Variants in PCDHGA3 observed in about 807,000 individuals in gnomAD.
PCDHGA3 encodes protocadherin gamma subfamily A, 3, also known as protocadherin gamma-A3.
Under a neutral mutation model 58.5 loss-of-function variants are expected in PCDHGA3, and 40 were observed. That is an observed-to-expected ratio of 0.68 (90% CI 0.53 to 0.89). The LOEUF is 0.89. Among genes scored for constraint, PCDHGA3 ranks in the 40% least tolerant of loss-of-function variants. The pLI is 0.00. For synonymous variants in PCDHGA3, 530 were observed against 525.7 expected (o/e 1.01, Z -0.11); for missense variants, 1,223 against 1,195.9 (o/e 1.02, Z -0.33).
chr5:141,428,154 T>C, intron 1 of PCDHGA3: 2 of 1,578,924 alleles, frequency 1.3e-6, no homozygotes, highest in Non-Finnish European at 1.7e-6. Flanking sequence ...CACGGGAACC[T>C]GCTGGTTGCT....
chr5:141,371,514 C>A (rs781132718), intron 1 of PCDHGA3: 1 of 1,613,792 alleles, frequency 6.2e-7, no homozygotes, highest in South Asian at 1.1e-5. Context: ...AACACATGAT[C>A]TAGATTCTGG....
chr5:141,476,509 C>G lies in PCDHGA3; in HGVS notation c.2425-18298C>G. 6.2e-7 allele frequency: 1 copy of G among 1,614,144 alleles called. No individual in the cohort carries two copies. Among genetic ancestry groups the G allele is most frequent in the Non-Finnish European group, 8.5e-7 (1 of 1,180,022 alleles). ...TGGTGATCCAGGACATCAACGACAACAATCCTGCTTTCCCTACCCAGGAAA... is the reference window on the plus strand; with the variant it reads ...TGGTGATCCAGGACATCAACGACAAGAATCCTGCTTTCCCTACCCAGGAAA... On this transcript the variant is annotated intron_variant, in intron 1 of 3. Transcript: ENST00000253812. This position sits in a 1 kb window ranked among gnomAD's most constrained non-coding sequence, Gnocchi z 7.6.
At position 141,345,944 on chromosome 5, in the gene PCDHGA3, G is replaced by A; in HGVS notation, c.1911G>A (p.Ala637=). 2 of 1,613,564 alleles carry A rather than the reference G, an allele frequency of 1.2e-6. No individual in the cohort carries two copies. The highest frequency in any genetic ancestry group is 1.7e-5 in the Admixed American group (1 of 60,008). Reference sequence around the variant, plus strand: ...CGCGAGCCCTGCTGGACAGAGACGCGCTCAAGCAGAGCCTCGTGGTGGCCG... The same window carrying A: ...CGCGAGCCCTGCTGGACAGAGACGCACTCAAGCAGAGCCTCGTGGTGGCCG... ...RTARALLDRD[A]LKQSLVVAVQ... Residue 637 remains alanine, a synonymous_variant, in exon 1 of 4, where the codon GCG becomes GCA. Transcript: ENST00000253812.
intron 1 of PCDHGA3, 163 bp downstream of exon 1, chr5:141,346,620 C>T (rs1000182319): frequency 9.5e-7 from 1 of 1,055,734 alleles, no homozygotes; most frequent in Non-Finnish European, 1.4e-6. Flanking sequence ...TAGGACTGCA[C>T]TCCCCGGTCT....
intron 1 of PCDHGA3, among the ~76,000 whole-genome samples, chr5:141,472,980 C>CA (rs60579131): frequency 0.042 from 3,623 of 85,966 alleles, 71 homozygotes; most frequent in South Asian, 0.079. Context: ...GAGTGAAACT[C>CA]AAAAAAAAAA....
chr5:141,467,063 T>C (rs1405374001), intron 1 of PCDHGA3, among the ~76,000 whole-genome samples: 2 of 151,716 alleles, frequency 1.3e-5, no homozygotes, highest in African/African-American at 2.4e-5. Flanking sequence ...TTCTTTTTTT[T>C]TTTTTTTTAG....
chr5:141,491,648 T>C lies in PCDHGA3; in HGVS notation c.2425-3159T>C. ...GTTCAGCAGCCCACAGCTCTGGCGC[T>C]GGAGCCTGACGCCATCCGGTCCCGC... On this transcript the variant is annotated intron_variant, in intron 1 of 3. Transcript: ENST00000253812. The surrounding 1 kb of genome is among the most constrained non-coding windows in gnomAD (Gnocchi z 6.9). 2 of 1,613,834 alleles carry C rather than the reference T, an allele frequency of 1.2e-6. No individual in the cohort carries two copies. Among genetic ancestry groups the C allele is most frequent in the South Asian group, 1.1e-5 (1 of 91,082 alleles).
At chr5:141,452,227 T>C (rs2098736376) in intron 1 of PCDHGA3, among the ~76,000 whole-genome samples, 1 of 152,232 alleles carries the variant, frequency 6.6e-6, no homozygotes, top group African/African-American at 2.4e-5. Context: ...CTCTTCAAGC[T>C]GGTTCTTGTG....
rs1347283176 is a variant in PCDHGA3, at chr5:141,360,728, A to T, written c.2424+14271A>T. On this transcript the variant is annotated intron_variant, in intron 1 of 3. Coordinates refer to ENST00000253812, the MANE Select transcript of PCDHGA3 (RefSeq NM_018916.4). ...AAATATCCTGAGTTGATTCTAAAAC[A>T]CTCTCTGGACAGAGAAGAGCACAGT... 4 of 1,613,740 alleles carry T rather than the reference A, an allele frequency of 2.5e-6. No individual in the cohort carries two copies. The African/African-American group carries it at 5.3e-5, about 22-fold the overall frequency.
At chr5:141,419,586 A>T (rs1440548961) in intron 1 of PCDHGA3, 1 of 1,611,696 alleles carries the variant, frequency 6.2e-7, no homozygotes, top group Non-Finnish European at 8.5e-7. Context: ...GCGCTCTTCG[A>T]CACAGTGCCG....
chr5:141,433,352 T>C (rs976015031), intron 1 of PCDHGA3: 16 of 614,162 alleles, frequency 2.6e-5, no homozygotes, highest in Non-Finnish European at 3.7e-5. Flanking sequence ...AGCCACCTAC[T>C]GTCTGCCTAT....
rs764363553 is a variant in PCDHGA3 at position 141,432,120 on chromosome 5, A to C, written c.2425-62687A>C. The C allele has an allele frequency of 1.2e-6, 2 of 1,613,978 alleles. No homozygotes were observed. Among genetic ancestry groups the C allele is most frequent in the African/African-American group, 2.7e-5 (2 of 74,894 alleles). ...AACGACAACCCGCCGGTCTTCCCTC[A>C]GGCCTCCTATTCCGCTTATATCCCA... On this transcript the variant is annotated intron_variant, in intron 1 of 3. Transcript: ENST00000253812. The surrounding 1 kb of genome is among the most constrained non-coding windows in gnomAD (Gnocchi z 6.0).
rs758405089 is a variant in PCDHGA3 at position 141,383,617 on chromosome 5, C to T, written c.2424+37160C>T. 5.1e-5 allele frequency: 82 copies of T among 1,613,734 alleles called. No homozygotes were observed. The Admixed American group carries it at 9.0e-4, about 18-fold the overall frequency. On this transcript the variant is annotated intron_variant, in intron 1 of 3. Coordinates refer to ENST00000253812, the MANE Select transcript of PCDHGA3 (RefSeq NM_018916.4). ...AGTGGTGGATGTGAATGACCACACG[C>T]CTGTCTTCTCTCTGCCTCAGTACCA...
At chr5:141,484,451 T>G (rs2099596635) in intron 1 of PCDHGA3, among the ~76,000 whole-genome samples, 2 of 152,264 alleles carry the variant, frequency 1.3e-5, no homozygotes, top group South Asian at 4.1e-4. Flanking sequence ...TTTAATTGGC[T>G]ACGTTAATGT....
chr5:141,371,551 T>A (rs1561551438), intron 1 of PCDHGA3: 1 of 1,613,704 alleles, frequency 6.2e-7, no homozygotes, highest in Non-Finnish European at 8.5e-7. Context: ...CTATGCCAAC[T>A]AAAAGGAAAC....
chr5:141,485,387 C>T lies in PCDHGA3; in HGVS notation c.2425-9420C>T. The T allele has an allele frequency of 6.2e-7, 1 of 1,614,078 alleles. No homozygotes were observed. Among genetic ancestry groups the T allele is most frequent in the Non-Finnish European group, 8.5e-7 (1 of 1,179,994 alleles). On this transcript the variant is annotated intron_variant, in intron 1 of 3. Coordinates refer to ENST00000253812, the MANE Select transcript of PCDHGA3 (RefSeq NM_018916.4). This position sits in a 1 kb window ranked among gnomAD's most constrained non-coding sequence, Gnocchi z 5.7. ...GCTGCAGGTCGCTGGAGAGGTGAAC[C>T]AAAGACACTTCCGTGTGGATTTGGA...
intron 1 of PCDHGA3, chr5:141,422,764 G>A: frequency 1.2e-6 from 2 of 1,613,582 alleles, no homozygotes; most frequent in Non-Finnish European, 8.5e-7. Flanking sequence ...CTCCAACACT[G>A]GTGTTCTCTA....
intron 1 of PCDHGA3, among the ~76,000 whole-genome samples, chr5:141,438,764 C>A (rs963627140): frequency 6.7e-6 from 1 of 148,638 alleles, no homozygotes; most frequent in Non-Finnish European, 1.5e-5. Flanking sequence ...TGGGTTCAAG[C>A]GATTCTCCTG....
chr5:141,400,591 C>T lies in PCDHGA3; in HGVS notation c.2424+54134C>T, dbSNP rs746471054. ...ATTTTCTGTATTTACATGAAACTATCGTACATTTTCAAGTCCAATGAGTTG... is the reference window on the plus strand; with the variant it reads ...ATTTTCTGTATTTACATGAAACTATTGTACATTTTCAAGTCCAATGAGTTG... On this transcript the variant is annotated intron_variant, in intron 1 of 3. Transcript: ENST00000253812. 2.5e-6 allele frequency: 4 copies of T among 1,602,858 alleles called. No homozygotes were observed. In the African/African-American group the frequency reaches 5.4e-5, roughly 21 times the overall value.
Sources: gnomAD v4.1 joint callset for allele counts (sites outside exome capture counted in the v4.1 genomes callset) on GRCh38, gnomAD v4.1.1 for gene constraint, Gnocchi (gnomAD v3.1) non-coding constraint, MANE v1.5 for transcripts, NCBI Gene and HGNC (gene_info 2026-07-23, HGNC 2026-07-21) for gene names.